Variants in NRG3 observed in about 807,000 individuals in gnomAD.
The protein encoded by NRG3 is pro-neuregulin-3, membrane-bound isoform.
Under a neutral mutation model 66.9 loss-of-function variants are expected in NRG3, and 31 were observed. The ratio of observed to expected loss-of-function variants is 0.46; its 90% confidence interval spans 0.35 to 0.63. The LOEUF is 0.63. NRG3 is among the 20% of genes least tolerant of loss of function. NRG3 has a pLI of 0.00. For synonymous variants in NRG3, 393 were observed against 359.4 expected, an observed-to-expected ratio of 1.09 and a Z score of -1.06; for missense variants, 910 against 878.9, an observed-to-expected ratio of 1.04 and a Z score of -0.45.
chr10:82,931,428 T>C (rs1847566358), intron 4 of NRG3, among the ~76,000 whole-genome samples: 1 of 152,210 alleles, frequency 6.6e-6, no homozygotes, highest in South Asian at 2.1e-4. Context: ...CTTCTGAGTA[T>C]ATAACCTTGG....
chr10:81,967,358 T>C (rs73306582), intron 1 of NRG3, among the ~76,000 whole-genome samples: 17,630 of 151,928 alleles, frequency 0.12, 1,613 homozygotes, highest in African/African-American at 0.26. Context: ...TCATTGTTTA[T>C]GAATGTTGAA....
chr10:82,409,699 C>G (rs1348328843), intron 2 of NRG3, among the ~76,000 whole-genome samples: 1 of 151,992 alleles, frequency 6.6e-6, no homozygotes, highest in Non-Finnish European at 1.5e-5. Context: ...TTTTATTTTG[C>G]TCATGATTTT....
At chr10:82,822,665 TG>T (rs1336998361) in intron 3 of NRG3, among the ~76,000 whole-genome samples, 2 of 152,086 alleles carry the variant, frequency 1.3e-5, no homozygotes, top group African/African-American at 2.4e-5. Flanking sequence ...GAATCCAGTA[TG>T]GGGCATGGTT....
intron 3 of NRG3, among the ~76,000 whole-genome samples, chr10:82,787,541 A>T (rs1215778277): frequency 6.6e-6 from 1 of 152,186 alleles, no homozygotes; most frequent in Non-Finnish European, 1.5e-5. Flanking sequence ...AAGGTATTTC[A>T]TGGAGACAGG....
At chr10:82,175,211 T>C (rs2072936739) in intron 1 of NRG3, among the ~76,000 whole-genome samples, 1 of 152,178 alleles carries the variant, frequency 6.6e-6, no homozygotes, top group Non-Finnish European at 1.5e-5. Context: ...GAGGGGATGA[T>C]TGGCTTCAAG....
chr10:82,735,170 G>T (rs1055180625), intron 2 of NRG3, among the ~76,000 whole-genome samples: 1 of 152,034 alleles, frequency 6.6e-6, no homozygotes, highest in African/African-American at 2.4e-5. Context: ...ACAATGTCTC[G>T]GCTCTTGTGA....
intron 2 of NRG3, among the ~76,000 whole-genome samples, chr10:82,465,499 C>T (rs947967244): frequency 2.0e-5 from 3 of 152,180 alleles, no homozygotes; most frequent in African/African-American, 7.2e-5. Context: ...TTCTGTCCCA[C>T]TAATAAGGGC....
At chr10:82,940,012 A>G (rs528252676) in intron 4 of NRG3, among the ~76,000 whole-genome samples, 1 of 151,964 alleles carries the variant, frequency 6.6e-6, no homozygotes, top group Non-Finnish European at 1.5e-5. Flanking sequence ...GCCACATACA[A>G]CTATCCAGAA....
At chr10:82,513,144 C>A (rs531511318) in intron 2 of NRG3, among the ~76,000 whole-genome samples, 80 of 152,226 alleles carry the variant, frequency 5.3e-4, no homozygotes, top group African/African-American at 1.9e-3. Flanking sequence ...GTGTGTTGTT[C>A]CCCTCCCTAT....
At chr10:82,622,263 G>T (rs1249532283) in intron 2 of NRG3, among the ~76,000 whole-genome samples, 2 of 148,436 alleles carry the variant, frequency 1.3e-5, no homozygotes, top group East Asian at 4.0e-4. Context: ...GAAGTAGATT[G>T]TCTCTAAGAA....
intron 2 of NRG3, among the ~76,000 whole-genome samples, chr10:82,396,505 A>G (rs536944019): frequency 4.5e-4 from 68 of 152,272 alleles, no homozygotes; most frequent in African/African-American, 1.6e-3. Context: ...CCCTGGGGGA[A>G]AAGGGGGCAA....
At chr10:82,792,972 C>G (rs2060650510) in intron 3 of NRG3, among the ~76,000 whole-genome samples, 1 of 152,042 alleles carries the variant, frequency 6.6e-6, no homozygotes, top group South Asian at 2.1e-4. Context: ...TAAGCCACCA[C>G]AGAGGTTTTT....
intron 4 of NRG3, among the ~76,000 whole-genome samples, chr10:82,921,845 A>G (rs1007799734): frequency 6.6e-6 from 1 of 152,134 alleles, no homozygotes; most frequent in East Asian, 1.9e-4. Flanking sequence ...TGTTGAGGCA[A>G]AAGTATATTT....
In NRG3 at chr10:82,389,415, G is replaced by T. The variant is rs115422889; in HGVS notation, c.953+30547G>T. 8.6e-3 allele frequency among the ~76,000 whole-genome samples: 1,315 copies of T among 152,250 alleles called. 19 individuals carry two copies. The highest frequency in any genetic ancestry group is 0.03 in the African/African-American group (1,242 of 41,544). ...GAGATCAAATACTTTGCTAAAAAGA[G>T]ATTTTCTTATTTTACTTCACATTCT... On this transcript the variant is annotated intron_variant, in intron 2 of 8. Transcript: ENST00000372141.
intron 2 of NRG3, among the ~76,000 whole-genome samples, chr10:82,516,662 C>T (rs529500634): frequency 6.6e-6 from 1 of 152,226 alleles, no homozygotes; most frequent in Non-Finnish European, 1.5e-5. Flanking sequence ...AACAATTTCA[C>T]CTTTATCAAC....
intron 1 of NRG3, among the ~76,000 whole-genome samples, chr10:81,923,361 G>A (rs1191726135): frequency 4.6e-5 from 7 of 152,054 alleles, no homozygotes; most frequent in South Asian, 2.1e-4. Context: ...GCCCGCCACC[G>A]CGCCCGGCTA....
intron 3 of NRG3, among the ~76,000 whole-genome samples, chr10:82,844,660 G>A (rs1015024195): frequency 1.4e-5 from 2 of 147,466 alleles, no homozygotes; most frequent in East Asian, 2.0e-4. Context: ...GATCCAAAAC[G>A]CCTCTACAAT....
chr10:82,384,830 T>G (rs2085872922), intron 2 of NRG3, among the ~76,000 whole-genome samples: 1 of 152,214 alleles, frequency 6.6e-6, no homozygotes, highest in African/African-American at 2.4e-5. Context: ...TATTTCTGCC[T>G]CTAGGTCTTT....
At chr10:82,217,732 T>C (rs2133733240) in intron 1 of NRG3, among the ~76,000 whole-genome samples, 1 of 152,294 alleles carries the variant, frequency 6.6e-6, no homozygotes, top group African/African-American at 2.4e-5. Flanking sequence ...TCTGAGCACA[T>C]TTGAAAACCA....
Sources: allele counts gnomAD v4.1 joint callset (sites outside exome capture counted in the v4.1 genomes callset), GRCh38; gene constraint gnomAD v4.1.1; transcripts MANE v1.5; gene names NCBI Gene and HGNC (gene_info 2026-07-23, HGNC 2026-07-21).